Variants in CFAP206 observed in about 807,000 individuals in gnomAD.
CFAP206 encodes cilia and flagella associated protein 206.
Under a neutral mutation model 65.4 loss-of-function variants are expected in CFAP206, and 53 were observed. The ratio of observed to expected loss-of-function variants is 0.81; its 90% CI spans 0.65 to 1.02. CFAP206 has a LOEUF of 1.02. Ranked by LOEUF, CFAP206 falls within the 50% of genes least tolerant of loss-of-function variation. The pLI is 0.00. For synonymous variants in CFAP206, 250 were observed against 254.4 expected (o/e 0.98, Z 0.17); for missense variants, 663 against 753.2 (o/e 0.88, Z 1.40).
chr6:87,437,654 T>A (rs1213142431), intron 11 of CFAP206, among the ~76,000 whole-genome samples: 1 of 151,564 alleles, frequency 6.6e-6, no homozygotes, highest in Non-Finnish European at 1.5e-5. Flanking sequence ...ATTTTATTTT[T>A]ATTTTATTTT....
intron 7 of CFAP206, among the ~76,000 whole-genome samples, chr6:87,420,554 C>T (rs961148560): frequency 2.0e-5 from 3 of 152,280 alleles, no homozygotes; most frequent in South Asian, 2.1e-4. Flanking sequence ...GCTTAACTTC[C>T]CTGTGCCTTG....
chr6:87,423,853 C>T (rs933025958), intron 7 of CFAP206, among the ~76,000 whole-genome samples: 3 of 151,264 alleles, frequency 2.0e-5, no homozygotes, highest in Non-Finnish European at 2.9e-5. Context: ...ACAGGATACA[C>T]GTTACATTTA....
intron 7 of CFAP206, among the ~76,000 whole-genome samples, chr6:87,420,336 A>G (rs1397050442): frequency 2.0e-5 from 3 of 152,366 alleles, no homozygotes; most frequent in African/African-American, 7.2e-5. Context: ...ATGTTGCAGA[A>G]GATGTCATTC....
chr6:87,446,006 A>T (rs1242124921), intron 11 of CFAP206, among the ~76,000 whole-genome samples: 1 of 152,078 alleles, frequency 6.6e-6, no homozygotes, highest in Admixed American at 6.6e-5. Flanking sequence ...TCTTCTTTTG[A>T]TAAGTGTCTG....
intron 12 of CFAP206, among the ~76,000 whole-genome samples, chr6:87,463,461 ATTC>A (rs775191521): frequency 6.6e-6 from 1 of 152,116 alleles, no homozygotes; most frequent in Non-Finnish European, 1.5e-5. Context: ...CAGCAACCTT[ATTC>A]TTCTTTTTAT....
intron 11 of CFAP206, among the ~76,000 whole-genome samples, chr6:87,450,327 GATTGTTT>G (rs1768518283): frequency 2.0e-5 from 3 of 151,948 alleles, no homozygotes; most frequent in African/African-American, 4.8e-5. Context: ...TGAATTTTAG[GATTGTTT>G]TTCTATTTCT....
At chr6:87,442,448 C>T (rs1419759837) in intron 11 of CFAP206, among the ~76,000 whole-genome samples, 4 of 152,042 alleles carry the variant, frequency 2.6e-5, no homozygotes, top group African/African-American at 7.2e-5. Flanking sequence ...TGTTGCAGTA[C>T]GTACTGTGGA....
intron 11 of CFAP206, among the ~76,000 whole-genome samples, chr6:87,446,951 G>A (rs1037614727): frequency 6.6e-6 from 1 of 151,968 alleles, no homozygotes; most frequent in African/African-American, 2.4e-5. Flanking sequence ...TTCTCTTTGT[G>A]GTAATTGTGA....
chr6:87,412,690 G>A (rs1022332602), intron 3 of CFAP206, among the ~76,000 whole-genome samples: 3 of 151,736 alleles, frequency 2.0e-5, no homozygotes, highest in Non-Finnish European at 2.9e-5. Context: ...ACAGAGTCTC[G>A]CTCTGTCCCC....
intron 10 of CFAP206, 52 bp downstream of exon 10, chr6:87,431,225 T>C (rs1329893696): frequency 1.3e-6 from 2 of 1,532,972 alleles, no homozygotes; most frequent in East Asian, 2.3e-5. Flanking sequence ...TTTCTTTATA[T>C]GGAGTTCTGT....
chr6:87,443,336 T>C (rs538783213), intron 11 of CFAP206, among the ~76,000 whole-genome samples: 240 of 152,272 alleles, frequency 1.6e-3, no homozygotes, highest in African/African-American at 5.6e-3. Flanking sequence ...TATTTGAGTC[T>C]TCTCTCTTTT....
intron 8 of CFAP206, among the ~76,000 whole-genome samples, chr6:87,427,951 A>G (rs554880840): frequency 5.0e-5 from 7 of 140,452 alleles, no homozygotes; most frequent in East Asian, 2.0e-4. Flanking sequence ...CGTGGGGGGA[A>G]CTTTCTATTT....
chr6:87,454,541 C>A (rs1768602288), intron 11 of CFAP206, among the ~76,000 whole-genome samples: 1 of 152,016 alleles, frequency 6.6e-6, no homozygotes, highest in African/African-American at 2.4e-5. Context: ...CTTCTCTAAT[C>A]ATAATGGAAT....
At chr6:87,449,782 T>G (rs1170779461) in intron 11 of CFAP206, among the ~76,000 whole-genome samples, 1 of 152,174 alleles carries the variant, frequency 6.6e-6, no homozygotes, top group Non-Finnish European at 1.5e-5. Flanking sequence ...GTTGTCTCTT[T>G]TCTCTGTTGA....
intron 11 of CFAP206, among the ~76,000 whole-genome samples, chr6:87,454,902 G>A (rs1768611223): frequency 6.7e-6 from 1 of 150,188 alleles, no homozygotes; most frequent in South Asian, 2.1e-4. Flanking sequence ...ATAACAAGAG[G>A]AACTTTATTA....
chr6:87,409,402 G>T (rs1163760846), intron 1 of CFAP206, among the ~76,000 whole-genome samples: 2 of 151,726 alleles, frequency 1.3e-5, no homozygotes, highest in Non-Finnish European at 2.9e-5. Context: ...TAGTAGAGAC[G>T]GGGTTTCTCT....
At chr6:87,435,308 T>C (rs553702237) in intron 11 of CFAP206, 1 of 300,940 alleles carries the variant, frequency 3.3e-6, no homozygotes, top group South Asian at 4.9e-5. Context: ...CATTGACTTA[T>C]AAATAATTGA....
chr6:87,448,603 TTCC>T (rs1768487333), intron 11 of CFAP206, among the ~76,000 whole-genome samples: 1 of 152,138 alleles, frequency 6.6e-6, no homozygotes, highest in Non-Finnish European at 1.5e-5. Context: ...CTAGAACTTA[TTCC>T]TCCTATCTAA....
At chr6:87,438,056 C>G (rs1023321116) in intron 11 of CFAP206, among the ~76,000 whole-genome samples, 11 of 151,902 alleles carry the variant, frequency 7.2e-5, no homozygotes, top group Admixed American at 5.9e-4. Flanking sequence ...TGTTCAGGAC[C>G]AGGCACTGCA....
Sources: gnomAD v4.1 joint callset for allele counts (sites outside exome capture counted in the v4.1 genomes callset) on GRCh38, gnomAD v4.1.1 for gene constraint, MANE v1.5 for transcripts, NCBI Gene and HGNC (gene_info 2026-07-23, HGNC 2026-07-21) for gene names.